DLGAP1: variants seen among roughly 807,000 people sequenced by gnomAD.
DLGAP1 encodes the protein DLG associated protein 1.
In DLGAP1, 11 loss-of-function variants were observed where a neutral mutation model predicts 90.8. The ratio of observed to expected loss-of-function variants is 0.12; its 90% CI spans 0.08 to 0.20. The LOEUF (loss-of-function observed/expected upper bound fraction) is 0.20, where lower values mean the gene tolerates loss of function less well. DLGAP1 is among the 10% of genes least tolerant of loss of function. DLGAP1 has a pLI of 1.00. For synonymous variants in DLGAP1, 558 were observed against 540.7 expected, an observed-to-expected ratio of 1.03 and a Z score of -0.44; for missense variants, 1,050 against 1,333.8, an observed-to-expected ratio of 0.79 and a Z score of 3.31.
intron 3 of DLGAP1, among the ~76,000 whole-genome samples, chr18:3,970,919 G>T (rs1003189380): frequency 3.9e-4 from 59 of 152,144 alleles, no homozygotes; most frequent in Non-Finnish European, 7.9e-4. Flanking sequence ...TATGAGGTCT[G>T]CTTCCACCCT....
intron 1 of DLGAP1, among the ~76,000 whole-genome samples, chr18:4,343,442 A>G (rs958186772): frequency 6.6e-6 from 1 of 152,144 alleles, no homozygotes; most frequent in African/African-American, 2.4e-5. Context: ...ATTACTTAAT[A>G]TTTATTTTAT....
Position 3,814,215 on chromosome 18 carries a change from C to T in DLGAP1, c.1016G>A (p.Cys339Tyr). 6.2e-7 allele frequency: 1 copy of T among 1,614,150 alleles called. No homozygotes were observed. Among genetic ancestry groups the T allele is most frequent in the Non-Finnish European group, 8.5e-7 (1 of 1,180,030 alleles). The change falls in exon 5 of 13, where the codon TGC becomes TAC. Residue 339 changes from cysteine to tyrosine, a missense_variant. Cys to Tyr is a radical substitution (Grantham distance 194, BLOSUM62 -2). This residue lies in a region of DLGAP1 where 565 missense variants were observed against 879.7 expected (regional missense o/e 0.64). Transcript: ENST00000315677. ...ATAACTGCCACTCCGCATTCTTCGG[C>T]ATGGAATTTCATCATCTTTACCTCG... is the stretch of plus-strand genomic sequence containing the variant. Reference protein sequence around the residue: ...TPRGKDDEIPCRRMRSGSYIK... With the variant: ...TPRGKDDEIPYRRMRSGSYIK...
chr18:3,546,487 T>C (rs1338428025), intron 9 of DLGAP1, among the ~76,000 whole-genome samples: 8 of 150,756 alleles, frequency 5.3e-5, no homozygotes, highest in South Asian at 2.1e-4. Context: ...AGATAGACTA[T>C]ATTTTGGCCC....
intron 3 of DLGAP1, among the ~76,000 whole-genome samples, chr18:3,977,438 T>G (rs1424549664): frequency 8.7e-6 from 1 of 114,928 alleles, no homozygotes; most frequent in South Asian, 2.6e-4. Flanking sequence ...TTCTGTGTTT[T>G]TTTTTTTTTT....
intron 7 of DLGAP1, among the ~76,000 whole-genome samples, chr18:3,627,159 T>C (rs939493192): frequency 6.6e-6 from 1 of 151,820 alleles, no homozygotes; most frequent in Non-Finnish European, 1.5e-5. Context: ...AGGCTGGTCT[T>C]GAACTCCTGA....
chr18:4,104,113 T>G (rs2075822557), intron 2 of DLGAP1, among the ~76,000 whole-genome samples: 1 of 152,170 alleles, frequency 6.6e-6, no homozygotes, highest in Non-Finnish European at 1.5e-5. Context: ...AGTCTTTTTC[T>G]ACTACCTGGA....
Position 4,088,808 on chromosome 18 carries a change from A to G in DLGAP1, c.-159+62372T>C, listed in dbSNP as rs185199626. 1.6e-3 allele frequency among the ~76,000 whole-genome samples: 244 copies of G among 152,322 alleles called. 5 individuals carry two copies. In the South Asian group the frequency reaches 0.031, roughly 19 times the overall value. The stretch of plus-strand genomic sequence containing the variant: ...GTATGGAAGGGACATATCTCAAAAT[A>G]ACAAGAGCCATTTATGACAAACCCA... On this transcript the variant is annotated intron_variant, in intron 2 of 12. Coordinates refer to ENST00000315677, the MANE Select transcript of DLGAP1 (RefSeq NM_004746.4).
chr18:3,980,806 T>C (rs1195599298), intron 3 of DLGAP1, among the ~76,000 whole-genome samples: 1 of 152,226 alleles, frequency 6.6e-6, no homozygotes, highest in Non-Finnish European at 1.5e-5. Context: ...GAAACATGCA[T>C]ACACGTATCA....
intron 4 of DLGAP1, among the ~76,000 whole-genome samples, chr18:3,865,871 C>T (rs1485338549): frequency 6.6e-6 from 1 of 152,182 alleles, no homozygotes; most frequent in African/African-American, 2.4e-5. Flanking sequence ...TAAAGTTCTT[C>T]TTACTCTCCT....
intron 1 of DLGAP1, among the ~76,000 whole-genome samples, chr18:4,306,690 C>T (rs2080272854): frequency 6.6e-6 from 1 of 152,144 alleles, no homozygotes; most frequent in Admixed American, 6.5e-5. Flanking sequence ...TAGACTACTA[C>T]TTTTAGGGAT....
At chr18:3,825,255 C>T (rs918793151) in intron 4 of DLGAP1, among the ~76,000 whole-genome samples, 7 of 152,214 alleles carry the variant, frequency 4.6e-5, no homozygotes, top group South Asian at 2.1e-4. Context: ...AAAAGTTCCA[C>T]TTCTTCTGTG....
chr18:4,353,953 T>C (rs1001381169), intron 1 of DLGAP1, among the ~76,000 whole-genome samples: 2 of 152,030 alleles, frequency 1.3e-5, no homozygotes, highest in East Asian at 3.9e-4. Flanking sequence ...AGAAGCTGAG[T>C]AGGTTTTGTG....
intron 3 of DLGAP1, among the ~76,000 whole-genome samples, chr18:3,969,892 A>T (rs993698446): frequency 6.6e-6 from 1 of 152,194 alleles, no homozygotes; most frequent in African/African-American, 2.4e-5. Context: ...AGACTCTAGG[A>T]TTAAATACTT....
chr18:3,676,955 T>G (rs1381699003), intron 7 of DLGAP1, among the ~76,000 whole-genome samples: 1 of 152,108 alleles, frequency 6.6e-6, no homozygotes, highest in African/African-American at 2.4e-5. Context: ...ATGGATGCAT[T>G]TTCTGTTGCC....
chr18:4,305,448 T>C (rs1306238621), intron 1 of DLGAP1, among the ~76,000 whole-genome samples: 3 of 147,020 alleles, frequency 2.0e-5, no homozygotes, highest in Non-Finnish European at 4.4e-5. Context: ...GCAGGAGAAT[T>C]GCTTGAACCT....
At chr18:3,714,137 G>C (rs548133268) in intron 7 of DLGAP1, among the ~76,000 whole-genome samples, 1 of 152,276 alleles carries the variant, frequency 6.6e-6, no homozygotes, top group African/African-American at 2.4e-5. Flanking sequence ...AAACAATTTT[G>C]ATTCGAAATT....
chr18:3,734,004 T>C (rs954086574), intron 6 of DLGAP1, among the ~76,000 whole-genome samples: 2 of 152,218 alleles, frequency 1.3e-5, no homozygotes, highest in Admixed American at 6.5e-5. Context: ...TGTCCTGATG[T>C]TGATTGTTCA....
At chr18:4,059,713 AAAAT>A (rs61167816) in intron 2 of DLGAP1, among the ~76,000 whole-genome samples, 46 of 150,564 alleles carry the variant, frequency 3.1e-4, no homozygotes, top group African/African-American at 1.1e-3. Context: ...CTCCATCTCA[AAAAT>A]AAATAAATAA....
intron 2 of DLGAP1, among the ~76,000 whole-genome samples, chr18:4,094,060 C>G (rs905575911): frequency 6.6e-6 from 1 of 151,854 alleles, no homozygotes; most frequent in Non-Finnish European, 1.5e-5. Flanking sequence ...AGGATTCTTC[C>G]TTAGTATTTT....
Sources: allele counts gnomAD v4.1 joint callset (sites outside exome capture counted in the v4.1 genomes callset), GRCh38; gene constraint gnomAD v4.1.1; regional missense constraint gnomAD v4.1.1; transcripts MANE v1.5; gene names NCBI Gene and HGNC (gene_info 2026-07-23, HGNC 2026-07-21).